KRT82: variants seen among roughly 807,000 people sequenced by gnomAD.
KRT82 encodes the protein keratin, type II cuticular Hb2.
In KRT82, 44 loss-of-function variants were observed where a neutral mutation model predicts 48.0. The observed-to-expected ratio is 0.92, with a 90% CI of 0.72 to 1.18. KRT82 has a LOEUF of 1.18. KRT82 is among the 50% of genes most tolerant of loss of function. The probability of loss-of-function intolerance (pLI) is 0.00; values close to 1 mark genes in which losing one functional copy is unlikely to be tolerated. For missense variants in KRT82, 701 were observed against 671.4 expected, an observed-to-expected ratio of 1.04 and a Z score of -0.49; for synonymous variants, 297 against 278.3, an observed-to-expected ratio of 1.07 and a Z score of -0.67.
intron 1 of KRT82, among the ~76,000 whole-genome samples, chr12:52,404,221 C>G (rs1431421176): frequency 6.6e-6 from 1 of 152,172 alleles, no homozygotes; most frequent in Admixed American, 6.5e-5. Flanking sequence ...ATCCTCGTGA[C>G]CTTGACCAAG....
In KRT82 at chr12:52,394,534, C is replaced by T. The variant is rs185663731; in HGVS notation, c.*441G>A. On this transcript the variant is annotated 3_prime_UTR_variant, in exon 9 of 9. Transcript: ENST00000257974. ...ATATTTGCAGTGTGCATGTTTCAGG[C>T]GGTGTTAAAGGAAATTCACTTTTCT... The T allele has an allele frequency of 3.0e-3, 541 of 180,572 alleles. 4 individuals carry two copies. Among genetic ancestry groups the T allele is most frequent in the African/African-American group, 0.012 (504 of 42,200 alleles). The allele number at this position is 180,572 out of a possible 1,614,324, so 11.2% of individuals were successfully genotyped here.
rs967162311 is a variant in KRT82, at chr12:52,394,852, G to A, written c.*123C>T. On this transcript the variant is annotated 3_prime_UTR_variant, in exon 9 of 9. Coordinates refer to ENST00000257974, the MANE Select transcript of KRT82 (RefSeq NM_033033.4). ...CAGCTCTCAAGGAGGGAACACTGGA[G>A]GGGAATGTGGAGTCAATAAAGGGAG... 8.5e-6 allele frequency: 7 copies of A among 827,218 alleles called. No individual in the cohort carries two copies. The highest frequency in any genetic ancestry group is 4.2e-5 in the Admixed American group (2 of 47,310). The allele number at this position is 827,218 out of a possible 1,614,324, so 51.2% of individuals were successfully genotyped here.
At chr12:52,398,444 C>T (rs1000648058) in intron 5 of KRT82, among the ~76,000 whole-genome samples, 3 of 151,512 alleles carry the variant, frequency 2.0e-5, no homozygotes, top group South Asian at 4.2e-4. Flanking sequence ...TTTTGTACTT[C>T]AAGCTACTTT....
Position 52,395,217 on chromosome 12 carries a change from C to T in KRT82, c.1322-22G>A, listed in dbSNP as rs767303724. The T allele has an allele frequency of 1.9e-6, 3 of 1,602,630 alleles. No individual in the cohort carries two copies. The Admixed American group carries it at 5.0e-5, about 27-fold the overall frequency. On this transcript the variant is annotated intron_variant, in intron 8 of 8. Coordinates refer to ENST00000257974, the MANE Select transcript of KRT82 (RefSeq NM_033033.4). ...ACTGCTGTGGGAACAGGAAGGGGTG[C>T]TCAGGGCCCCACACGGTGTGGCTCT...
chr12:52,402,798 G>A (rs1037361430), intron 2 of KRT82, among the ~76,000 whole-genome samples: 7 of 152,242 alleles, frequency 4.6e-5, no homozygotes, highest in Non-Finnish European at 8.8e-5. Context: ...TCCCCAACAC[G>A]GCTCCACTTC....
At position 52,396,202 on chromosome 12, in the gene KRT82, C is replaced by T; in HGVS notation, c.1099G>A (p.Ala367Thr). 6.2e-7 allele frequency: 1 copy of T among 1,613,854 alleles called. No individual in the cohort carries two copies. Among genetic ancestry groups the T allele is most frequent in the South Asian group, 1.1e-5 (1 of 91,080 alleles). Residue 367 changes from alanine (A) to threonine (T), a missense_variant, in exon 7 of 9, where the codon GCA becomes ACA. Physicochemically the swap from Ala to Thr is moderately conservative, Grantham distance 58 (BLOSUM62 0). Transcript: ENST00000257974. Reference sequence around the variant, plus strand: ...AGAGCCGCCTCGCCCTGCTGCTCTGCCTCAGCTATGGCACCCTCAAGTTTG... The same window carrying T: ...AGAGCCGCCTCGCCCTGCTGCTCTGTCTCAGCTATGGCACCCTCAAGTTTG... ...RCKLEGAIAE[A>T]EQQGEAALND...
chr12:52,400,880 G>A (rs1939780622), intron 3 of KRT82, among the ~76,000 whole-genome samples: 1 of 152,218 alleles, frequency 6.6e-6, no homozygotes, highest in South Asian at 2.1e-4. Flanking sequence ...ACTTTGCAGA[G>A]CCTGGGCCTG....
intron 6 of KRT82, 26 bp downstream of exon 6, chr12:52,396,857 A>C: frequency 6.2e-7 from 1 of 1,612,658 alleles, no homozygotes; most frequent in African/African-American, 1.3e-5. Context: ...TGGCTGTTGC[A>C]GCAAGGAAGT....
intron 5 of KRT82, 148 bp from the exon 6 acceptor site, chr12:52,397,156 C>T (rs2249384): frequency 0.45 from 435,919 of 963,016 alleles, 104,003 homozygotes; most frequent in Non-Finnish European, 0.49. Flanking sequence ...TACCTTCTTC[C>T]GCTTCTGGGC....
At chr12:52,400,433 C>G in intron 4 of KRT82, 94 bp downstream of exon 4, 1 of 952,204 alleles carries the variant, frequency 1.1e-6, no homozygotes, top group South Asian at 1.4e-5. Context: ...TCCATGCTTG[C>G]CCTGAAATGT....
Position 52,395,142 on chromosome 12 carries a change from G to T in KRT82, c.1375C>A (p.Pro459Thr), listed in dbSNP as rs551581950. The stretch of plus-strand genomic sequence containing the variant: ...CTGAGGACGCCAGTGCTGAGGACAG[G>T]CGTGCTGACCCCACATGGCTCGTAC... ...FLYEPCGVST[P>T]VLSTGVLRSN... The change falls in exon 9 of 9, where the codon CCT becomes ACT. Residue 459 changes from proline (P) to threonine (T), a missense_variant. Coordinates refer to ENST00000257974, the MANE Select transcript of KRT82 (RefSeq NM_033033.4). 1.9e-6 allele frequency: 3 copies of T among 1,614,088 alleles called. No individual in the cohort carries two copies. Among genetic ancestry groups the T allele is most frequent in the South Asian group, 2.2e-5 (2 of 91,076 alleles).
intron 1 of KRT82, among the ~76,000 whole-genome samples, 161 bp downstream of exon 1, chr12:52,405,706 C>T (rs1216046006): frequency 1.3e-5 from 2 of 152,236 alleles, no homozygotes; most frequent in African/African-American, 2.4e-5. Context: ...TCTGATCTAA[C>T]TGGCTTTCAA....
intron 8 of KRT82, 46 bp from the exon 9 acceptor site, chr12:52,395,241 C>G (rs1939697332): frequency 6.6e-7 from 1 of 1,513,468 alleles, no homozygotes; most frequent in Non-Finnish European, 9.1e-7. Context: ...CGGTGTGGCT[C>G]TCAGTGTACT....
intron 1 of KRT82, among the ~76,000 whole-genome samples, chr12:52,404,323 C>T (rs972786837): frequency 1.3e-5 from 2 of 152,202 alleles, no homozygotes; most frequent in African/African-American, 4.8e-5. Context: ...ATACTAGTGT[C>T]AGAGGATGTG....
In KRT82 at chr12:52,401,464, G is replaced by A. The variant is rs902691474; in HGVS notation, c.621-115C>T. On this transcript the variant is annotated intron_variant, in intron 2 of 8. Transcript: ENST00000257974. ...TGTCACTGACTGAATGCCCTGGGGA[G>A]TGCCCAGGTCCAGCCCTGTCTTGGC... is the stretch of plus-strand genomic sequence containing the variant. The A allele has an allele frequency of 1.0e-5, 10 of 980,304 alleles. No homozygotes were observed. The African/African-American group carries it at 1.4e-4, about 14-fold the overall frequency. 60.7% of individuals were successfully genotyped at this position (980,304 alleles called of 1,614,324 possible).
In KRT82 at chr12:52,401,190, G is replaced by T. The variant is rs1939785463; in HGVS notation, c.681+99C>A. ...GGGGCGAAAAACCCTTTTTCAGAGT[G>T]GGTGGGCTGCAGACACGTTTGGACT... is the stretch of plus-strand genomic sequence containing the variant. On this transcript the variant is annotated intron_variant, in intron 3 of 8. Coordinates refer to ENST00000257974, the MANE Select transcript of KRT82 (RefSeq NM_033033.4). 8 of 967,542 alleles carry T rather than the reference G, an allele frequency of 8.3e-6. No homozygotes were observed. The Admixed American group carries it at 1.5e-4, about 19-fold the overall frequency. 59.9% of individuals were successfully genotyped at this position (967,542 alleles called of 1,614,324 possible). A position where few individuals can be genotyped will look rare whatever the true frequency, so the allele number is the denominator to read the frequency against.
intron 8 of KRT82, 117 bp from the exon 9 acceptor site, chr12:52,395,312 C>T (rs1939698159): frequency 3.7e-6 from 3 of 814,008 alleles, no homozygotes; most frequent in Non-Finnish European, 5.8e-6. Flanking sequence ...TCTACAGACA[C>T]CCCATTCCAG....
chr12:52,398,631 C>T (rs1266742199), intron 5 of KRT82, among the ~76,000 whole-genome samples: 1 of 152,044 alleles, frequency 6.6e-6, no homozygotes, highest in Non-Finnish European at 1.5e-5. Flanking sequence ...TTGCCAGGGG[C>T]AACCAGAGGA....
chr12:52,395,839 A>G (rs774487189), intron 7 of KRT82, 49 bp from the exon 8 acceptor site: 1 of 1,473,412 alleles, frequency 6.8e-7, no homozygotes, highest in Admixed American at 2.1e-5. Context: ...AAACAGATGC[A>G]GGTAAATGCA....
Sources: allele counts gnomAD v4.1 joint callset (sites outside exome capture counted in the v4.1 genomes callset), GRCh38; gene constraint gnomAD v4.1.1; transcripts MANE v1.5; gene names NCBI Gene and HGNC (gene_info 2026-07-23, HGNC 2026-07-21).